Variants in PCDH9 observed in about 807,000 individuals in gnomAD.
PCDH9 encodes the protein protocadherin-9.
Under a neutral mutation model 70.6 loss-of-function variants are expected in PCDH9, and 24 were observed. The observed-to-expected ratio is 0.34, with a 90% CI of 0.25 to 0.48. The LOEUF is 0.48. Among genes scored for constraint, PCDH9 ranks in the 20% least tolerant of loss-of-function variants. PCDH9 has a pLI of 0.99. For missense variants in PCDH9, 1,281 were observed against 1,503.6 expected, an observed-to-expected ratio of 0.85 and a Z score of 2.45; for synonymous variants, 562 against 558.5, an observed-to-expected ratio of 1.01 and a Z score of -0.09.
chr13:67,100,141 A>G lies in PCDH9; in HGVS notation c.3036+125264T>C, dbSNP rs539626808. On this transcript the variant is annotated intron_variant, in intron 2 of 4. Transcript: ENST00000377865. ...CTCCCCAGTCGCTAAGGAACTTGAC[A>G]TTACTTCAGCTATTAATGCATTTTA... 4.6e-5 allele frequency among the ~76,000 whole-genome samples: 7 copies of G among 152,334 alleles called. No homozygotes were observed. The South Asian group carries it at 1.2e-3, about 27-fold the overall frequency.
intron 3 of PCDH9, among the ~76,000 whole-genome samples, chr13:66,774,545 G>T (rs1029503976): frequency 5.3e-5 from 8 of 152,172 alleles, no homozygotes; most frequent in Non-Finnish European, 1.2e-4. Context: ...GATTGAGGCG[G>T]CTGTGTACTG....
chr13:66,631,538 A>G, intron 3 of PCDH9, 127 bp from the exon 4 acceptor site: 2 of 612,444 alleles, frequency 3.3e-6, no homozygotes, highest in Non-Finnish European at 5.8e-6. Flanking sequence ...CAAACTAGGA[A>G]CAAAGCTAAG....
chr13:66,865,597 T>C (rs1197653954), intron 3 of PCDH9, among the ~76,000 whole-genome samples: 1 of 152,188 alleles, frequency 6.6e-6, no homozygotes, highest in African/African-American at 2.4e-5. Context: ...TTCCAGTGGG[T>C]CTCTGCTAAG....
intron 2 of PCDH9, among the ~76,000 whole-genome samples, chr13:66,941,950 T>C (rs1014669662): frequency 1.3e-5 from 2 of 151,876 alleles, no homozygotes; most frequent in African/African-American, 4.8e-5. Flanking sequence ...ATTAAAAAAG[T>C]AACTCACACA....
At chr13:67,041,622 G>A (rs1466148065) in intron 2 of PCDH9, among the ~76,000 whole-genome samples, 1 of 152,048 alleles carries the variant, frequency 6.6e-6, no homozygotes, top group Non-Finnish European at 1.5e-5. Context: ...ACGAGGTCAG[G>A]AGATTGAGAC....
rs367718684 is a variant in PCDH9 at position 66,425,945 on chromosome 13, A to G, written c.3341-120917T>C. 5.9e-5 allele frequency among the ~76,000 whole-genome samples: 9 copies of G among 151,772 alleles called. No homozygotes were observed. The East Asian group carries it at 9.7e-4, about 16-fold the overall frequency. On this transcript the variant is annotated intron_variant, in intron 4 of 4. Transcript: ENST00000377865. Reference sequence around the variant, plus strand: ...ATCTCCATCAAATCTCATCAGCCAAAAGGGATGGAGACATCCATCTAAAAT... The same window carrying G: ...ATCTCCATCAAATCTCATCAGCCAAGAGGGATGGAGACATCCATCTAAAAT...
At chr13:67,137,761 T>C (rs2087269851) in intron 2 of PCDH9, among the ~76,000 whole-genome samples, 1 of 152,126 alleles carries the variant, frequency 6.6e-6, no homozygotes, top group Admixed American at 6.6e-5. Context: ...TTTCAGCTAC[T>C]AAAAAAGTTG....
intron 2 of PCDH9, among the ~76,000 whole-genome samples, chr13:67,044,143 C>G (rs982151566): frequency 3.9e-5 from 6 of 152,028 alleles, no homozygotes; most frequent in Non-Finnish European, 8.8e-5. Context: ...AGTGGAGTCA[C>G]AGATACTAGG....
chr13:67,101,373 A>G (rs574621773), intron 2 of PCDH9, among the ~76,000 whole-genome samples: 2 of 152,210 alleles, frequency 1.3e-5, no homozygotes, highest in African/African-American at 2.4e-5. Flanking sequence ...TTGGTATTTT[A>G]TATTTCAGCT....
chr13:66,628,645 C>G (rs949683352), intron 4 of PCDH9, among the ~76,000 whole-genome samples: 1 of 152,190 alleles, frequency 6.6e-6, no homozygotes, highest in Non-Finnish European at 1.5e-5. Context: ...GGACTACAAG[C>G]ATGTGCTTCC....
intron 3 of PCDH9, among the ~76,000 whole-genome samples, chr13:66,828,232 G>A (rs1361676331): frequency 6.6e-6 from 1 of 152,080 alleles, no homozygotes; most frequent in Non-Finnish European, 1.5e-5. Flanking sequence ...GAATAAGAAG[G>A]TAAATCAAGG....
chr13:66,948,587 T>A (rs2083127467), intron 2 of PCDH9, among the ~76,000 whole-genome samples: 1 of 151,832 alleles, frequency 6.6e-6, no homozygotes, highest in South Asian at 2.1e-4. Flanking sequence ...GTAAACTCCA[T>A]GATACAAAAG....
intron 2 of PCDH9, among the ~76,000 whole-genome samples, chr13:67,090,951 C>A (rs551747365): frequency 6.6e-6 from 1 of 152,150 alleles, no homozygotes; most frequent in East Asian, 1.9e-4. Flanking sequence ...AGAGCCTTAA[C>A]TGAAATTATT....
At chr13:67,041,075 A>G (rs1268592623) in intron 2 of PCDH9, among the ~76,000 whole-genome samples, 1 of 152,100 alleles carries the variant, frequency 6.6e-6, no homozygotes, top group Non-Finnish European at 1.5e-5. Flanking sequence ...AAAAAAAAAG[A>G]TTAGATATAC....
At chr13:66,986,540 A>G (rs2083895092) in intron 2 of PCDH9, among the ~76,000 whole-genome samples, 1 of 152,082 alleles carries the variant, frequency 6.6e-6, no homozygotes, top group Admixed American at 6.6e-5. Flanking sequence ...AGAAATAAGC[A>G]AAGTCCAAAT....
At chr13:66,347,925 T>A (rs1307859112) in intron 4 of PCDH9, among the ~76,000 whole-genome samples, 2 of 152,194 alleles carry the variant, frequency 1.3e-5, no homozygotes, top group Admixed American at 1.3e-4. Context: ...TATTCAACAA[T>A]TCCTTTAATC....
At chr13:67,125,696 A>G (rs1393866478) in intron 2 of PCDH9, among the ~76,000 whole-genome samples, 1 of 152,036 alleles carries the variant, frequency 6.6e-6, no homozygotes, top group Admixed American at 6.6e-5. Flanking sequence ...CTCCATCATC[A>G]CCTCTCACAT....
chr13:66,889,168 T>A lies in PCDH9; in HGVS notation c.3138+14336A>T, dbSNP rs368897571. Among the ~76,000 whole-genome samples the A allele has an allele frequency of 8.5e-5, 13 of 152,246 alleles. No homozygotes were observed. In the East Asian group the frequency reaches 2.3e-3, roughly 27 times the overall value. On this transcript the variant is annotated intron_variant, in intron 3 of 4. Transcript: ENST00000377865. ...TACTATCGTATTGAGAAAGTAAATG[T>A]GGTAAGAACTGTAACAGGCTGAGGT...
intron 2 of PCDH9, among the ~76,000 whole-genome samples, chr13:67,181,775 C>T (rs190517458): frequency 4.3e-4 from 66 of 152,188 alleles, no homozygotes; most frequent in African/African-American, 1.5e-3. Flanking sequence ...AAAAAAACAC[C>T]ACTACAAAAT....
Sources: gnomAD v4.1 joint callset for allele counts (sites outside exome capture counted in the v4.1 genomes callset) on GRCh38, gnomAD v4.1.1 for gene constraint, MANE v1.5 for transcripts, NCBI Gene and HGNC (gene_info 2026-07-23, HGNC 2026-07-21) for gene names.